CCNJL: variants seen among roughly 807,000 people sequenced by gnomAD.
CCNJL encodes cyclin-J-like protein.
CCNJL carries 33 observed loss-of-function variants against 33.4 expected under a neutral mutation model. The observed-to-expected ratio is 0.99, with a 90% CI of 0.75 to 1.32. The LOEUF is 1.32. CCNJL is among the 40% of genes most tolerant of loss of function. The pLI, the probability that CCNJL is intolerant of heterozygous loss-of-function variation, is 0.00. For synonymous variants in CCNJL, 227 were observed against 220.9 expected, an observed-to-expected ratio of 1.03 and a Z score of -0.24; for missense variants, 512 against 499.7, an observed-to-expected ratio of 1.02 and a Z score of -0.23.
chr5:160,283,006 TATACATATATATATATATATAC>T (rs1453305808), intron 2 of CCNJL, among the ~76,000 whole-genome samples: 3 of 57,502 alleles, frequency 5.2e-5, no homozygotes, highest in African/African-American at 2.5e-4. Context: ...TATATATATA[TATACATATATATATATATATAC>T]CTAAGAGAAA....
chr5:160,314,038 G>A (rs563183239), upstream of CCNJL, among the ~76,000 whole-genome samples: 1 of 152,232 alleles, frequency 6.6e-6, no homozygotes, highest in East Asian at 1.9e-4. Flanking sequence ...GTGTGGTGGT[G>A]CACGCCTGTA....
At chr5:160,280,850 T>C (rs1380518735) in intron 2 of CCNJL, 112 bp from the exon 3 acceptor site, 3 of 766,266 alleles carry the variant, frequency 3.9e-6, no homozygotes, top group East Asian at 5.3e-5. Flanking sequence ...ATTCCCTCCA[T>C]ACCCTTCTTA....
rs1760842921 is a variant in CCNJL at position 160,252,358 on chromosome 5, G to A, written c.*1020C>T. ...TCCACATTGCTATCCTTCGCTATCA[G>A]CCACACTCAAAGCCTAGACTGGGTT... On this transcript the variant is annotated 3_prime_UTR_variant, in exon 6 of 6. Transcript: ENST00000257536. 1 of 152,472 alleles carries A rather than the reference G, an allele frequency of 6.6e-6. No homozygotes were observed. The allele number at this position is 152,472 out of a possible 1,614,324, so 9.4% of individuals were successfully genotyped here. A position where few individuals can be genotyped will look rare whatever the true frequency, so the allele number is the denominator to read the frequency against.
At chr5:160,272,043 C>T (rs1365160343) in intron 3 of CCNJL, among the ~76,000 whole-genome samples, 2 of 152,222 alleles carry the variant, frequency 1.3e-5, no homozygotes, top group African/African-American at 2.4e-5. Flanking sequence ...TTTGCAGCTG[C>T]TGCCTACAAT....
chr5:160,293,986 C>T (rs920505584), intron 2 of CCNJL, among the ~76,000 whole-genome samples: 3 of 152,066 alleles, frequency 2.0e-5, no homozygotes, highest in African/African-American at 4.8e-5. Flanking sequence ...AACAAGAGCC[C>T]GGGAATCCAC....
chr5:160,262,422 C>T (rs1355176685), intron 3 of CCNJL, among the ~76,000 whole-genome samples: 6 of 152,348 alleles, frequency 3.9e-5, no homozygotes, highest in South Asian at 4.1e-4. Flanking sequence ...GGAACGCACA[C>T]GGCAGGCCAC....
intron 2 of CCNJL, among the ~76,000 whole-genome samples, chr5:160,308,331 T>G (rs1441858718): frequency 6.6e-6 from 1 of 152,190 alleles, no homozygotes; most frequent in Non-Finnish European, 1.5e-5. Flanking sequence ...ACTTATTCAT[T>G]CTCCTTGTCA....
chr5:160,324,385 C>A (rs1328915215), intron 1 of CCNJL, among the ~76,000 whole-genome samples: 2 of 152,056 alleles, frequency 1.3e-5, no homozygotes, highest in East Asian at 3.9e-4. Context: ...CCAGCCTGGC[C>A]AACACAGTGA....
In CCNJL at chr5:160,253,654, T is replaced by C; in HGVS notation, c.888A>G (p.Ala296=). The stretch of plus-strand genomic sequence containing the variant: ...GGTCCTGCACGGGGGTCTGGAACTG[T>C]GCCAGGGTGGTCGCTGGCTGGCCGA... The part of the protein sequence containing the change: ...PALGQPATTL[A]QFQTPVQDLC... Residue 296 remains alanine (A), a synonymous_variant, in exon 6 of 6, where the codon GCA becomes GCG. Transcript: ENST00000257536. The C allele has an allele frequency of 1.9e-6, 3 of 1,610,358 alleles. No homozygotes were observed. The highest frequency in any genetic ancestry group is 1.7e-6 in the Non-Finnish European group (2 of 1,177,552).
chr5:160,300,021 G>A (rs1384327181), intron 2 of CCNJL, among the ~76,000 whole-genome samples: 1 of 151,926 alleles, frequency 6.6e-6, no homozygotes, highest in Admixed American at 6.6e-5. Context: ...TCCAATTCCC[G>A]ATGCTTCTGT....
intron 3 of CCNJL, among the ~76,000 whole-genome samples, chr5:160,271,692 C>T (rs898512954): frequency 2.6e-5 from 4 of 152,238 alleles, no homozygotes; most frequent in African/African-American, 7.2e-5. Flanking sequence ...GGCCACCACG[C>T]AAACGTCACT....
intron 2 of CCNJL, among the ~76,000 whole-genome samples, chr5:160,293,846 G>A (rs1377164989): frequency 2.6e-5 from 4 of 152,132 alleles, no homozygotes; most frequent in East Asian, 1.9e-4. Flanking sequence ...CTTGGAGGGC[G>A]ACAACCACTT....
intron 3 of CCNJL, among the ~76,000 whole-genome samples, chr5:160,279,051 G>A (rs535209080): frequency 2.0e-5 from 3 of 152,312 alleles, no homozygotes; most frequent in Admixed American, 2.0e-4. Flanking sequence ...AACAACAGCA[G>A]GTAAAAGGTG....
At chr5:160,272,379 T>C (rs1388254866) in intron 3 of CCNJL, among the ~76,000 whole-genome samples, 1 of 152,158 alleles carries the variant, frequency 6.6e-6, no homozygotes, top group Non-Finnish European at 1.5e-5. Flanking sequence ...TGCAGGTACC[T>C]GGCAGGCAAT....
At chr5:160,292,150 C>A (rs552392838) in intron 2 of CCNJL, among the ~76,000 whole-genome samples, 1 of 152,148 alleles carries the variant, frequency 6.6e-6, no homozygotes, top group African/African-American at 2.4e-5. Flanking sequence ...CACACACCAT[C>A]CTAGGGCAAG....
chr5:160,333,761 C>T (rs1025866829), intron 1 of CCNJL, among the ~76,000 whole-genome samples: 1 of 152,110 alleles, frequency 6.6e-6, no homozygotes, highest in African/African-American at 2.4e-5. Flanking sequence ...ACTCTCCTTC[C>T]CTTCTCTACG....
intron 2 of CCNJL, 117 bp downstream of exon 2, chr5:160,311,741 G>C: frequency 1.1e-6 from 1 of 930,596 alleles, no homozygotes; most frequent in South Asian, 1.3e-5. Context: ...AAGGGTAAGA[G>C]GAAAAAAAGG....
chr5:160,319,487 C>T (rs1387243325), intron 1 of CCNJL, among the ~76,000 whole-genome samples: 2 of 152,194 alleles, frequency 1.3e-5, no homozygotes, highest in East Asian at 3.8e-4. Context: ...TATCCATTGC[C>T]TTTCTTTCTG....
intron 1 of CCNJL, 23 bp from the exon 2 acceptor site, chr5:160,311,995 A>G: frequency 2.1e-6 from 3 of 1,431,574 alleles, no homozygotes; most frequent in South Asian, 1.1e-5. Context: ...GGGCAACTTC[A>G]GCGGCCAGAG....
Sources: gnomAD v4.1 joint callset for allele counts (sites outside exome capture counted in the v4.1 genomes callset) on GRCh38, gnomAD v4.1.1 for gene constraint, MANE v1.5 for transcripts, NCBI Gene and HGNC (gene_info 2026-07-23, HGNC 2026-07-21) for gene names.